The following ADHFE1 variants were observed in gnomAD, a reference collection of about 807,000 sequenced individuals.
ADHFE1 encodes the protein alcohol dehydrogenase iron containing 1, also known as hydroxyacid-oxoacid transhydrogenase, mitochondrial.
A neutral mutation model predicts 54.8 loss-of-function variants in ADHFE1; 37 were observed. That is an observed-to-expected ratio of 0.68 (90% confidence interval 0.52 to 0.89). The LOEUF is 0.89. Ranked by LOEUF, ADHFE1 falls within the 40% of genes least tolerant of loss-of-function variation. The pLI, the probability that ADHFE1 is intolerant of heterozygous loss-of-function variation, is 0.00. For synonymous variants in ADHFE1, 203 were observed against 229.3 expected (o/e 0.89, Z 1.04); for missense variants, 601 against 591.2 (o/e 1.02, Z -0.17).
chr8:66,439,027 C>A lies in ADHFE1; in HGVS notation c.60-1135C>A, dbSNP rs551357539. The stretch of plus-strand genomic sequence containing the variant: ...GGAAAGTCTTCCAACCAAAGCCCAC[C>A]GTGAAGGGACAAGCCTGGCCTGGCC... On this transcript the variant is annotated intron_variant, in intron 1 of 13. Coordinates refer to ENST00000396623, the MANE Select transcript of ADHFE1 (RefSeq NM_144650.3). This position sits in a 1 kb window ranked among gnomAD's most constrained non-coding sequence, Gnocchi z 4.4. Among the ~76,000 whole-genome samples the A allele has an allele frequency of 6.6e-6, 1 of 151,944 alleles. No homozygotes were observed. Among genetic ancestry groups the A allele is most frequent in the African/African-American group, 2.4e-5 (1 of 41,468 alleles).
intron 6 of ADHFE1, 80 bp downstream of exon 6, chr8:66,445,494 A>G: frequency 7.4e-7 from 1 of 1,347,352 alleles, no homozygotes; most frequent in Non-Finnish European, 1.0e-6. Flanking sequence ...CAGTCCTTTT[A>G]ACATACACAT....
chr8:66,453,632 G>A, intron 9 of ADHFE1: 1 of 1,264,448 alleles, frequency 7.9e-7, no homozygotes, highest in South Asian at 1.2e-5. Context: ...GGTCCAGTGG[G>A]AGGCAGTGTC....
intron 6 of ADHFE1, among the ~76,000 whole-genome samples, chr8:66,446,786 AAC>A (rs1806055784): frequency 6.6e-6 from 1 of 152,214 alleles, no homozygotes; most frequent in South Asian, 2.1e-4. Context: ...CATGCATGCT[AAC>A]ACATACAGAG....
At chr8:66,442,906 T>C (rs1299461834) in intron 3 of ADHFE1, 62 bp downstream of exon 3, 18 of 1,295,422 alleles carry the variant, frequency 1.4e-5, no homozygotes, top group Non-Finnish European at 1.8e-5. Context: ...AACTAGAATA[T>C]TTTGCTAATG....
intron 13 of ADHFE1, among the ~76,000 whole-genome samples, chr8:66,462,788 C>A (rs1196466431): frequency 6.6e-6 from 1 of 152,148 alleles, no homozygotes; most frequent in Non-Finnish European, 1.5e-5. Context: ...TCTTCTAATT[C>A]TACTGTGGTC....
In ADHFE1 at chr8:66,442,825, CA is replaced by C. The variant is rs761874636; in HGVS notation, c.127del (p.Thr43GlnfsTer22). 24 of 1,596,978 alleles carry C rather than the reference CA, an allele frequency of 1.5e-5. No individual in the cohort carries two copies. Among genetic ancestry groups the C allele is most frequent in the Non-Finnish European group, 1.9e-5 (22 of 1,175,708 alleles). ...QAPGLSPSGK[T>X]TDYAFEMAVS... ...CCTGGACTTTCACCTTCTGGGAAAA[CA>C]ACAGATTATGCCTTTGAGGTATATT... On this transcript the variant is annotated frameshift_variant, in exon 3 of 14. Coordinates refer to ENST00000396623, the MANE Select transcript of ADHFE1 (RefSeq NM_144650.3). LOFTEE classifies it high-confidence loss of function.
chr8:66,454,874 C>T (rs1293001394), intron 10 of ADHFE1, among the ~76,000 whole-genome samples: 3 of 152,062 alleles, frequency 2.0e-5, no homozygotes, highest in African/African-American at 7.2e-5. Context: ...CCACCATGCC[C>T]AGCTAATTTT....
At chr8:66,440,448 A>G (rs553296138) in intron 2 of ADHFE1, among the ~76,000 whole-genome samples, 1 of 152,272 alleles carries the variant, frequency 6.6e-6, no homozygotes, top group African/African-American at 2.4e-5. Context: ...TTCTCTTTTA[A>G]TTACTTGCCA....
At chr8:66,447,199 G>T in intron 6 of ADHFE1, 65 bp from the exon 7 acceptor site, 3 of 1,434,448 alleles carry the variant, frequency 2.1e-6, no homozygotes, top group South Asian at 2.4e-5. Context: ...TCCTAAGGCT[G>T]AATTAGGTAT....
At chr8:66,433,892 CAT>C (rs141377057) in intron 1 of ADHFE1, among the ~76,000 whole-genome samples, 2,414 of 152,304 alleles carry the variant, frequency 0.016, 52 homozygotes, top group African/African-American at 0.055. Context: ...CCTGTGTCAT[CAT>C]AGAACTCTTT....
intron 13 of ADHFE1, among the ~76,000 whole-genome samples, chr8:66,463,920 A>G (rs1807035416): frequency 6.6e-6 from 1 of 152,202 alleles, no homozygotes; most frequent in African/African-American, 2.4e-5. Context: ...GAGGCTTTCA[A>G]CTGCCATAGC....
At chr8:66,436,498 C>A (rs1805474130) in intron 1 of ADHFE1, among the ~76,000 whole-genome samples, 1 of 152,070 alleles carries the variant, frequency 6.6e-6, no homozygotes, top group Admixed American at 6.5e-5. Flanking sequence ...GCACGAACAA[C>A]TGGAAGGATG....
chr8:66,439,398 A>C lies in ADHFE1; in HGVS notation c.60-764A>C, dbSNP rs540229888. The stretch of plus-strand genomic sequence containing the variant: ...AAGAGAAGCCAGAGGAGAGACTGGG[A>C]CTGTCCAGGAAATAGGAGACGACCA... On this transcript the variant is annotated intron_variant, in intron 1 of 13. Coordinates refer to ENST00000396623, the MANE Select transcript of ADHFE1 (RefSeq NM_144650.3). The surrounding 1 kb of genome is among the most constrained non-coding windows in gnomAD (Gnocchi z 4.4). 1 of 985,892 alleles carries C rather than the reference A, an allele frequency of 1.0e-6. No individual in the cohort carries two copies. The highest frequency in any genetic ancestry group is 1.7e-5 in the African/African-American group (1 of 57,374). 61.1% of individuals were successfully genotyped at this position (985,892 alleles called of 1,614,324 possible).
chr8:66,468,229 T>G, intron 13 of ADHFE1, 40 bp from the exon 14 acceptor site: 1 of 1,540,754 alleles, frequency 6.5e-7, no homozygotes, highest in Non-Finnish European at 8.8e-7. Context: ...CAAACTGCCT[T>G]TTCAAAGCCC....
At chr8:66,441,982 AAAG>A (rs1805771568) in intron 2 of ADHFE1, among the ~76,000 whole-genome samples, 1 of 152,138 alleles carries the variant, frequency 6.6e-6, no homozygotes, top group Non-Finnish European at 1.5e-5. Flanking sequence ...AAAAAAAAAA[AAAG>A]GTTTATTAAA....
intron 12 of ADHFE1, 90 bp downstream of exon 12, chr8:66,457,256 A>G: frequency 8.1e-7 from 1 of 1,235,580 alleles, no homozygotes; most frequent in Non-Finnish European, 1.1e-6. Context: ...AGTTGGGTGC[A>G]TCACTTGAGC....
At chr8:66,441,385 T>G (rs1266161971) in intron 2 of ADHFE1, among the ~76,000 whole-genome samples, 1 of 152,156 alleles carries the variant, frequency 6.6e-6, no homozygotes, top group Non-Finnish European at 1.5e-5. Context: ...CTTGAGCCCC[T>G]GCACCGGGAC....
chr8:66,453,167 A>G (rs1052116757), intron 9 of ADHFE1, among the ~76,000 whole-genome samples: 5 of 152,190 alleles, frequency 3.3e-5, no homozygotes, highest in African/African-American at 1.2e-4. Context: ...CAGCGGTGGT[A>G]GATAAGGAGA....
At chr8:66,442,982 A>C (rs1299477095) in intron 3 of ADHFE1, 138 bp downstream of exon 3, 2 of 779,120 alleles carry the variant, frequency 2.6e-6, no homozygotes, top group African/African-American at 3.6e-5. Flanking sequence ...ATCAGACCAT[A>C]TTTAGCAAAG....
Sources: allele counts gnomAD v4.1 joint callset (sites outside exome capture counted in the v4.1 genomes callset), GRCh38; gene constraint gnomAD v4.1.1; non-coding constraint Gnocchi (gnomAD v3.1); transcripts MANE v1.5; gene names NCBI Gene and HGNC (gene_info 2026-07-23, HGNC 2026-07-21).